The following DMD variants were observed in gnomAD, a reference collection of about 807,000 sequenced individuals.
DMD encodes mutant dystrophin.
In DMD, 63 loss-of-function variants were observed where a neutral mutation model predicts 330.1. The observed-to-expected ratio is 0.19, with a 90% CI of 0.16 to 0.24. DMD has a LOEUF of 0.24. Ranked by LOEUF, DMD falls within the 10% of genes least tolerant of loss-of-function variation. DMD has a pLI of 1.00. For missense variants in DMD, 3,344 were observed against 2,684.1 expected (o/e 1.25, Z -5.43); for synonymous variants, 1,223 against 959.8 (o/e 1.27, Z -5.07).
chrX:32,883,455 A>G (rs1401632872), intron 2 of DMD, among the ~76,000 whole-genome samples: 1 of 111,121 alleles, frequency 9.0e-6, no homozygotes, highest in African/African-American at 3.3e-5. Flanking sequence ...TTAACTTTGG[A>G]ATTTTCCTTT....
At chrX:32,686,938 T>C (rs1269141659) in intron 9 of DMD, among the ~76,000 whole-genome samples, 3 of 111,869 alleles carry the variant, frequency 2.7e-5, no homozygotes, top group Non-Finnish European at 5.6e-5. Flanking sequence ...TTCTGCTCTG[T>C]AATCTTAGGT....
chrX:32,060,558 T>A (rs139653119), intron 44 of DMD, among the ~76,000 whole-genome samples: 2,433 of 111,198 alleles, frequency 0.022, 31 homozygotes, highest in Non-Finnish European at 0.034. Context: ...ATCTTTGAGA[T>A]ATACAATAAA....
chrX:32,796,223 G>A (rs894461649), intron 7 of DMD, among the ~76,000 whole-genome samples: 1 of 111,262 alleles, frequency 9.0e-6, no homozygotes, highest in Non-Finnish European at 1.9e-5. Context: ...AGCAACTTAA[G>A]TGTCCATTAG....
intron 15 of DMD, among the ~76,000 whole-genome samples, chrX:32,572,664 G>T (rs1210175116): frequency 3.7e-5 from 4 of 109,391 alleles, no homozygotes; most frequent in South Asian, 4.0e-4. Flanking sequence ...AACACTCGAG[G>T]TATTTATAAT....
intron 1 of DMD, among the ~76,000 whole-genome samples, chrX:33,205,670 CA>C (rs1302307625): frequency 2.7e-5 from 3 of 111,954 alleles, no homozygotes; most frequent in Non-Finnish European, 5.6e-5. Context: ...CAAAACAAAA[CA>C]AAAGCCAAGA....
At chrX:31,831,791 A>G (rs2093044689) in intron 49 of DMD, among the ~76,000 whole-genome samples, 2 of 111,346 alleles carry the variant, frequency 1.8e-5, no homozygotes, top group Non-Finnish European at 1.9e-5. Context: ...TTTAGTAGAG[A>G]TGGGGTTTCA....
intron 44 of DMD, among the ~76,000 whole-genome samples, chrX:32,050,833 A>T (rs752330646): frequency 1.8e-5 from 2 of 111,296 alleles, no homozygotes; most frequent in South Asian, 7.5e-4. Flanking sequence ...AAACACATTG[A>T]ATTTCTTAAA....
At chrX:32,712,078 A>AC (rs2065238394) in intron 7 of DMD, among the ~76,000 whole-genome samples, 1 of 112,206 alleles carries the variant, frequency 8.9e-6, no homozygotes, top group South Asian at 3.7e-4. Flanking sequence ...ATGTATATAC[A>AC]CATGTATATA....
chrX:31,785,697 G>A (rs1410412970), intron 50 of DMD, among the ~76,000 whole-genome samples: 3 of 110,272 alleles, frequency 2.7e-5, no homozygotes, highest in Non-Finnish European at 5.7e-5. Flanking sequence ...GAGAACATGC[G>A]GTGTTTGGTT....
At chrX:32,596,536 CTTT>C (rs34125114) in intron 12 of DMD, among the ~76,000 whole-genome samples, 9 of 107,812 alleles carry the variant, frequency 8.3e-5, no homozygotes, top group Non-Finnish European at 1.5e-4. Flanking sequence ...CTATGTGCTA[CTTT>C]TTTTATTTTT....
rs1291954475 is a variant in DMD at position 32,025,677 on chromosome X, G to A, written c.6439-57163C>T. On this transcript the variant is annotated intron_variant, in intron 44 of 78. Transcript: ENST00000357033. ...GAAACAACTTAAATGTAATTCTCTG[G>A]AGGAATTTATTTTCTTAAGTACTTC... Among the ~76,000 whole-genome samples the A allele has an allele frequency of 3.6e-5, 4 of 111,935 alleles. No individual in the cohort carries two copies. The East Asian group carries it at 1.1e-3, about 31-fold the overall frequency.
chrX:32,343,388 A>G (rs1368171331), intron 39 of DMD, 102 bp from the exon 40 acceptor site: 5 of 775,597 alleles, frequency 6.4e-6, no homozygotes, highest in Non-Finnish European at 9.5e-6. Flanking sequence ...ATCTTTTTGT[A>G]CAACTTAGGT....
intron 52 of DMD, among the ~76,000 whole-genome samples, chrX:31,688,109 T>C (rs1402008394): frequency 9.2e-6 from 1 of 108,968 alleles, no homozygotes; most frequent in Non-Finnish European, 1.9e-5. Flanking sequence ...AAAAAAATAA[T>C]AAGAAACAAT....
At chrX:32,782,624 G>A (rs1297028700) in intron 7 of DMD, among the ~76,000 whole-genome samples, 1 of 111,249 alleles carries the variant, frequency 9.0e-6, no homozygotes, top group Non-Finnish European at 1.9e-5. Flanking sequence ...GGAGAGGTAT[G>A]AATGATTTAG....
At chrX:33,173,784 A>T (rs2049490066) in intron 1 of DMD, among the ~76,000 whole-genome samples, 1 of 110,824 alleles carries the variant, frequency 9.0e-6, no homozygotes, top group Non-Finnish European at 1.9e-5. Context: ...TGTTTCTGTT[A>T]TTATGTCATA....
At chrX:32,669,030 G>T (rs1344242087) in intron 9 of DMD, among the ~76,000 whole-genome samples, 3 of 110,839 alleles carry the variant, frequency 2.7e-5, no homozygotes, top group Non-Finnish European at 5.7e-5. Context: ...GTGTACTGTA[G>T]ATTCCTACCA....
At chrX:31,162,125 T>A (rs1057312950) in intron 74 of DMD, among the ~76,000 whole-genome samples, 1 of 111,069 alleles carries the variant, frequency 9.0e-6, no homozygotes, top group African/African-American at 3.3e-5. Flanking sequence ...TTAACTTTTT[T>A]AAAATAAATT....
chrX:32,437,731 GACT>G (rs1378580774), intron 29 of DMD, among the ~76,000 whole-genome samples: 1 of 112,388 alleles, frequency 8.9e-6, no homozygotes, highest in African/African-American at 3.2e-5. Context: ...GCAAAACACT[GACT>G]AGGAGAAATT....
At chrX:31,953,720 C>T (rs1478199639) in intron 45 of DMD, among the ~76,000 whole-genome samples, 1 of 111,230 alleles carries the variant, frequency 9.0e-6, no homozygotes, top group African/African-American at 3.3e-5. Flanking sequence ...TTTACATTAC[C>T]TCTTACTCTT....
Sources: gnomAD v4.1 joint callset for allele counts (sites outside exome capture counted in the v4.1 genomes callset) on GRCh38, gnomAD v4.1.1 for gene constraint, MANE v1.5 for transcripts, NCBI Gene and HGNC (gene_info 2026-07-23, HGNC 2026-07-21) for gene names.